The following FLT1 variants were observed in gnomAD, a reference collection of about 807,000 sequenced individuals.
FLT1 encodes fms related receptor tyrosine kinase 1.
Under a neutral mutation model 156.3 loss-of-function variants are expected in FLT1, and 49 were observed. The ratio of observed to expected loss-of-function variants is 0.31; its 90% confidence interval spans 0.25 to 0.40. The LOEUF is 0.40. FLT1 is among the 10% of genes least tolerant of loss of function. The pLI, the probability that FLT1 is intolerant of heterozygous loss-of-function variation, is 1.00. For synonymous variants in FLT1, 594 were observed against 583.8 expected, an observed-to-expected ratio of 1.02 and a Z score of -0.25; for missense variants, 1,322 against 1,637.2, an observed-to-expected ratio of 0.81 and a Z score of 3.32.
At chr13:28,344,994 G>T (rs1047707148) in intron 16 of FLT1, among the ~76,000 whole-genome samples, 3 of 151,392 alleles carry the variant, frequency 2.0e-5, no homozygotes, top group African/African-American at 7.3e-5. Flanking sequence ...GTAGAGTCAG[G>T]GTCTTACTAT....
At chr13:28,383,698 G>A (rs1344719898) in intron 14 of FLT1, among the ~76,000 whole-genome samples, 5 of 151,804 alleles carry the variant, frequency 3.3e-5, no homozygotes, top group African/African-American at 7.2e-5. Flanking sequence ...GTGTGGCGGC[G>A]GGCACCTGTA....
rs1033990749 is a variant in FLT1 at position 28,322,835 on chromosome 13, C to T, written c.2908G>A (p.Gly970Ser). ...VTSSESFASSGFQEDKSLSDV... is the reference protein window; with the variant it reads ...VTSSESFASSSFQEDKSLSDV... ...CTCAGACTTTTATCTTCCTGAAAGC[C>T]GGAGCTCGCAAAGCTTTCGCTGCTG... The change falls in exon 21 of 30, where the codon GGC (glycine) becomes AGC (serine). Residue 970 changes from glycine (G) to serine (S), a missense_variant. This residue lies in a region of FLT1 where 991 missense variants were observed against 1,254.8 expected (regional missense o/e 0.79). Coordinates refer to ENST00000282397, the MANE Select transcript of FLT1 (RefSeq NM_002019.4). This position sits in a 1 kb window ranked among gnomAD's most constrained non-coding sequence, Gnocchi z 4.3. 28 of 1,614,010 alleles carry T rather than the reference C, an allele frequency of 1.7e-5. No individual in the cohort carries two copies. The highest frequency in any genetic ancestry group is 6.7e-5 in the African/African-American group (5 of 74,898).
chr13:28,345,487 G>A lies in FLT1; in HGVS notation c.2313C>T (p.Leu771=), dbSNP rs2138859238. The part of the protein sequence containing the change: ...TLTCTCVAAT[L]FWLLLTLFIR... ...TAAAGAGGGTTAATAGGAGCCAGAA[G>A]AGAGTCGCAGCCACACAGGTGCATG... The change falls in exon 16 of 30, where the codon CTC becomes CTT. Residue 771 remains leucine (L), a synonymous_variant. Coordinates refer to ENST00000282397, the MANE Select transcript of FLT1 (RefSeq NM_002019.4). 1.2e-6 allele frequency: 2 copies of A among 1,613,306 alleles called. No individual in the cohort carries two copies. The highest frequency in any genetic ancestry group is 1.7e-6 in the Non-Finnish European group (2 of 1,179,474).
chr13:28,461,250 GA>G lies in FLT1; in HGVS notation c.388+5652del, dbSNP rs544038827. On this transcript the variant is annotated intron_variant, in intron 3 of 29. Coordinates refer to ENST00000282397, the MANE Select transcript of FLT1 (RefSeq NM_002019.4). Reference sequence around the variant, plus strand: ...CAACTTAGTAAATTTTTCCTTTAAAGAAAAAGAATAAATTTGAGATTACAAA... The same window carrying G: ...CAACTTAGTAAATTTTTCCTTTAAAGAAAAGAATAAATTTGAGATTACAAA... 2.0e-5 allele frequency among the ~76,000 whole-genome samples: 3 copies of G among 151,964 alleles called. No individual in the cohort carries two copies. In the East Asian group the frequency reaches 5.8e-4, roughly 29 times the overall value.
chr13:28,307,657 A>ATT (rs5802471), intron 28 of FLT1, among the ~76,000 whole-genome samples: 2,564 of 147,072 alleles, frequency 0.017, 70 homozygotes, highest in African/African-American at 0.056. Context: ...TTCGTTTTTG[A>ATT]TTTTTTTTTT....
chr13:28,368,673 C>A, intron 14 of FLT1: 14 of 778,642 alleles, frequency 1.8e-5, no homozygotes, highest in Non-Finnish European at 3.1e-5. Context: ...TCTAGGTACA[C>A]AGTAAATAAT....
At chr13:28,412,350 C>CTTTCTTTCTTTCTTTCTTTTCTTTCTTTT in intron 10 of FLT1, among the ~76,000 whole-genome samples, 1 of 93,810 alleles carries the variant, frequency 1.1e-5, no homozygotes, top group African/African-American at 3.8e-5. Flanking sequence ...TTCTTTCTTT[C>CTTTCTTTCTTTCTTTCTTTTCTTTCTTTT]TCTTTCTTTC....
At chr13:28,447,794 T>C (rs1310577176) in intron 3 of FLT1, among the ~76,000 whole-genome samples, 1 of 150,760 alleles carries the variant, frequency 6.6e-6, no homozygotes, top group Admixed American at 6.6e-5. Context: ...AAACATATGT[T>C]TAGAATACAT....
chr13:28,305,606 T>C (rs1196165219), intron 29 of FLT1, among the ~76,000 whole-genome samples: 2 of 152,166 alleles, frequency 1.3e-5, no homozygotes, highest in African/African-American at 4.8e-5. Flanking sequence ...GTAAATACAG[T>C]GTGTGGGAAC....
intron 1 of FLT1, among the ~76,000 whole-genome samples, chr13:28,492,319 AAG>A (rs1478249831): frequency 3.9e-5 from 6 of 152,190 alleles, no homozygotes; most frequent in Non-Finnish European, 5.9e-5. Flanking sequence ...GGCAAAGAAA[AAG>A]GTCTGTAGCT....
intron 1 of FLT1, among the ~76,000 whole-genome samples, chr13:28,473,726 GA>G (rs1880334902): frequency 1.3e-5 from 1 of 77,200 alleles, no homozygotes; most frequent in African/African-American, 7.4e-5. Flanking sequence ...AAGAAAGAAA[GA>G]AAGAAGGAAG....
intron 14 of FLT1, among the ~76,000 whole-genome samples, chr13:28,370,627 A>G (rs923862395): frequency 6.6e-6 from 1 of 152,238 alleles, no homozygotes; most frequent in Non-Finnish European, 1.5e-5. Context: ...TCTTGTTCTA[A>G]TAAAGCATTT....
intron 11 of FLT1, among the ~76,000 whole-genome samples, chr13:28,404,269 T>A (rs1163064986): frequency 1.3e-5 from 2 of 152,202 alleles, no homozygotes; most frequent in African/African-American, 4.8e-5. Context: ...CTATTGGTGT[T>A]ATCATATAAG....
intron 20 of FLT1, among the ~76,000 whole-genome samples, chr13:28,327,096 A>C (rs1307884953): frequency 6.6e-6 from 1 of 152,270 alleles, no homozygotes; most frequent in Non-Finnish European, 1.5e-5. Flanking sequence ...AATTATATTA[A>C]CTATTATCTT....
intron 20 of FLT1, among the ~76,000 whole-genome samples, chr13:28,325,205 C>T (rs1871626819): frequency 6.6e-6 from 1 of 152,206 alleles, no homozygotes; most frequent in African/African-American, 2.4e-5. Context: ...ACGTTCCATC[C>T]TGCCCAGGTC....
chr13:28,370,057 C>G (rs117057548), intron 14 of FLT1, among the ~76,000 whole-genome samples: 5,555 of 152,036 alleles, frequency 0.037, 295 homozygotes, highest in Admixed American at 0.15. Context: ...AAAAAATTAG[C>G]CCGGCATGGT....
chr13:28,321,766 A>G (rs972402061), intron 22 of FLT1, among the ~76,000 whole-genome samples, 181 bp from the exon 23 acceptor site: 2 of 152,258 alleles, frequency 1.3e-5, no homozygotes, highest in Admixed American at 6.5e-5. Flanking sequence ...CAGGTCCCCA[A>G]GCCCTCAAAG....
chr13:28,446,931 CT>C (rs1334632669), intron 3 of FLT1, among the ~76,000 whole-genome samples: 1 of 152,082 alleles, frequency 6.6e-6, no homozygotes, highest in Non-Finnish European at 1.5e-5. Context: ...CAGTGTGGTG[CT>C]GGCACAATGG....
chr13:28,367,905 A>G (rs1873360148), intron 14 of FLT1, among the ~76,000 whole-genome samples: 1 of 152,218 alleles, frequency 6.6e-6, no homozygotes, highest in South Asian at 2.1e-4. Context: ...CATCTCCTCC[A>G]TGAAATCTCC....
Sources: allele counts gnomAD v4.1 joint callset (sites outside exome capture counted in the v4.1 genomes callset), GRCh38; gene constraint gnomAD v4.1.1; regional missense constraint gnomAD v4.1.1; non-coding constraint Gnocchi (gnomAD v3.1); transcripts MANE v1.5; gene names NCBI Gene and HGNC (gene_info 2026-07-23, HGNC 2026-07-21).